The following DLGAP2 variants were observed in gnomAD, a reference collection of about 807,000 sequenced individuals.
The protein encoded by DLGAP2 is DLG associated protein 2, also known as disks large-associated protein 2.
A neutral mutation model predicts 100.3 loss-of-function variants in DLGAP2; 26 were observed. That is an observed-to-expected ratio of 0.26 (90% CI 0.19 to 0.36). The LOEUF is 0.36. Ranked by LOEUF, DLGAP2 falls within the 10% of genes least tolerant of loss-of-function variation. The pLI is 1.00. For synonymous variants in DLGAP2, 886 were observed against 630.1 expected, an observed-to-expected ratio of 1.41 and a Z score of -6.08; for missense variants, 1,858 against 1,453.2, an observed-to-expected ratio of 1.28 and a Z score of -4.53.
intron 3 of DLGAP2, among the ~76,000 whole-genome samples, chr8:1,305,841 T>G (rs989626336): frequency 6.6e-6 from 1 of 152,228 alleles, no homozygotes; most frequent in Admixed American, 6.5e-5. Flanking sequence ...GTTCTTCCTG[T>G]GAGGTCAGGA....
chr8:1,427,482 C>G (rs1326957666), intron 3 of DLGAP2, among the ~76,000 whole-genome samples: 4 of 152,148 alleles, frequency 2.6e-5, no homozygotes, highest in African/African-American at 4.8e-5. Flanking sequence ...TCCTCATATA[C>G]TTGAAAATAA....
chr8:1,122,097 G>A (rs1347818847), intron 2 of DLGAP2, among the ~76,000 whole-genome samples: 16 of 152,306 alleles, frequency 1.1e-4, no homozygotes, highest in Admixed American at 2.0e-4. Flanking sequence ...ACTCCCTTAG[G>A]TGAACTTTGA....
intron 1 of DLGAP2, among the ~76,000 whole-genome samples, chr8:779,216 A>G (rs2132620911): frequency 6.6e-6 from 1 of 152,244 alleles, no homozygotes; most frequent in East Asian, 1.9e-4. Flanking sequence ...TGGTGCGCGC[A>G]CCCACTGACC....
intron 6 of DLGAP2, among the ~76,000 whole-genome samples, chr8:1,595,067 G>A (rs1563245111): frequency 6.6e-6 from 1 of 151,498 alleles, no homozygotes. Flanking sequence ...TTTGAGACAA[G>A]ATCTTGCTCT....
chr8:1,632,382 G>A (rs1427855583), intron 7 of DLGAP2, among the ~76,000 whole-genome samples: 1 of 152,188 alleles, frequency 6.6e-6, no homozygotes, highest in Non-Finnish European at 1.5e-5. Flanking sequence ...TGTATGCACT[G>A]AATGTGCTTT....
At chr8:1,389,772 A>G (rs1182584893) in intron 3 of DLGAP2, among the ~76,000 whole-genome samples, 2 of 152,102 alleles carry the variant, frequency 1.3e-5, no homozygotes, top group Admixed American at 6.5e-5. Context: ...ACCTACAGGT[A>G]CAACCCCGGG....
intron 2 of DLGAP2, among the ~76,000 whole-genome samples, chr8:1,194,263 C>T (rs1334372524): frequency 6.6e-6 from 1 of 152,104 alleles, no homozygotes; most frequent in Non-Finnish European, 1.5e-5. Flanking sequence ...AACACAGGCT[C>T]TGCGATTTTG....
intron 2 of DLGAP2, among the ~76,000 whole-genome samples, chr8:1,127,111 CGG>C (rs1796184586): frequency 6.8e-6 from 1 of 148,056 alleles, no homozygotes; most frequent in Non-Finnish European, 1.5e-5. Flanking sequence ...AGCTCTTAAA[CGG>C]TCCTTCTGCT....
intron 2 of DLGAP2, among the ~76,000 whole-genome samples, chr8:1,124,305 C>A (rs1796115716): frequency 6.6e-6 from 1 of 152,162 alleles, no homozygotes; most frequent in Admixed American, 6.5e-5. Flanking sequence ...AGGGTTTCTG[C>A]TTCCAGAAGG....
intron 2 of DLGAP2, among the ~76,000 whole-genome samples, chr8:1,000,103 T>G (rs2129017845): frequency 6.7e-6 from 1 of 148,258 alleles, no homozygotes; most frequent in Non-Finnish European, 1.5e-5. Context: ...TTGCACTGGA[T>G]TTTCTCTAGA....
At chr8:912,476 G>A (rs1184005640) in intron 2 of DLGAP2, among the ~76,000 whole-genome samples, 1 of 152,158 alleles carries the variant, frequency 6.6e-6, no homozygotes, top group Non-Finnish European at 1.5e-5. Context: ...GAGGGTGGGT[G>A]GGGAGGCCTC....
chr8:936,443 C>A (rs1347004568), intron 2 of DLGAP2, among the ~76,000 whole-genome samples: 1 of 152,158 alleles, frequency 6.6e-6, no homozygotes, highest in Non-Finnish European at 1.5e-5. Flanking sequence ...GAACTTAATG[C>A]CTAGGGAGGA....
intron 2 of DLGAP2, among the ~76,000 whole-genome samples, chr8:972,616 C>CTTTTTTTTTTTCTTATTTAT (rs547635325): frequency 1.3e-3 from 195 of 150,174 alleles, no homozygotes; most frequent in South Asian, 0.011. Flanking sequence ...GTATTTTTTT[C>CTTTTTTTTTTTCTTATTTAT]TTATTTATTT....
chr8:1,519,849 T>G (rs1210201165), intron 4 of DLGAP2, among the ~76,000 whole-genome samples: 1 of 152,252 alleles, frequency 6.6e-6, no homozygotes, highest in Non-Finnish European at 1.5e-5. Flanking sequence ...CGCCCATGGC[T>G]TCCTTTGGGG....
At chr8:1,057,526 G>T (rs939334561) in intron 2 of DLGAP2, among the ~76,000 whole-genome samples, 1 of 152,182 alleles carries the variant, frequency 6.6e-6, no homozygotes, top group Non-Finnish European at 1.5e-5. Context: ...TTCGTTTGTT[G>T]TCTCTCTAAC....
At chr8:1,245,381 G>C (rs1255037483) in intron 2 of DLGAP2, among the ~76,000 whole-genome samples, 1 of 152,156 alleles carries the variant, frequency 6.6e-6, no homozygotes, top group African/African-American at 2.4e-5. Flanking sequence ...AATATGCTGT[G>C]GTCCATCCAT....
chr8:793,395 G>A (rs902410269), intron 1 of DLGAP2, among the ~76,000 whole-genome samples: 3 of 151,842 alleles, frequency 2.0e-5, no homozygotes, highest in African/African-American at 4.8e-5. Context: ...TCCTCCCCTC[G>A]CCCTGATGAT....
intron 2 of DLGAP2, among the ~76,000 whole-genome samples, chr8:1,096,479 C>G (rs1804370558): frequency 6.6e-6 from 1 of 152,176 alleles, no homozygotes. Context: ...CCTCCCTGTG[C>G]TCCAGAGTCG....
At chr8:1,563,817 A>G (rs1282792676) in intron 5 of DLGAP2, among the ~76,000 whole-genome samples, 2 of 152,160 alleles carry the variant, frequency 1.3e-5, no homozygotes, top group Admixed American at 6.5e-5. Context: ...CCAGCCACGC[A>G]GATCCCTGCT....
Sources: gnomAD v4.1 joint callset for allele counts (sites outside exome capture counted in the v4.1 genomes callset) on GRCh38, gnomAD v4.1.1 for gene constraint, MANE v1.5 for transcripts, NCBI Gene and HGNC (gene_info 2026-07-23, HGNC 2026-07-21) for gene names.